Variants in RSBN1L observed in about 807,000 individuals in gnomAD.
The protein encoded by RSBN1L is lysine-specific demethylase RSBN1L.
In RSBN1L, 30 loss-of-function variants were observed where a neutral mutation model predicts 67.7. The ratio of observed to expected loss-of-function variants is 0.44; its 90% CI spans 0.33 to 0.60. The LOEUF is 0.60. Among genes scored for constraint, RSBN1L ranks in the 20% least tolerant of loss-of-function variants. The probability of loss-of-function intolerance (pLI) is 0.02; values close to 1 mark genes in which losing one functional copy is unlikely to be tolerated. For synonymous variants in RSBN1L, 433 were observed against 387.0 expected (o/e 1.12, Z -1.39); for missense variants, 992 against 1,031.7 (o/e 0.96, Z 0.53).
chr7:77,750,361 A>G (rs1206310524), intron 3 of RSBN1L, among the ~76,000 whole-genome samples: 1 of 123,662 alleles, frequency 8.1e-6, no homozygotes, highest in Admixed American at 1.1e-4. Context: ...GAATTTAGCC[A>G]TGTATTTTCC....
At chr7:77,772,550 G>A (rs1331683177) in intron 5 of RSBN1L, among the ~76,000 whole-genome samples, 1 of 152,228 alleles carries the variant, frequency 6.6e-6, no homozygotes, top group Admixed American at 6.5e-5. Flanking sequence ...CCAAGACAGA[G>A]CTAAGGTTTT....
intron 6 of RSBN1L, among the ~76,000 whole-genome samples, chr7:77,776,180 G>A (rs575836390): frequency 1.3e-5 from 2 of 152,266 alleles, no homozygotes; most frequent in African/African-American, 4.8e-5. Context: ...ATTTTTGTCT[G>A]CTTGTTAATT....
intron 1 of RSBN1L, among the ~76,000 whole-genome samples, chr7:77,715,108 C>T (rs1334856682): frequency 6.6e-6 from 1 of 151,606 alleles, no homozygotes; most frequent in Non-Finnish European, 1.5e-5. Context: ...CCTATCTCTA[C>T]TAAAAATACA....
At chr7:77,750,866 A>G (rs1050501654) in intron 3 of RSBN1L, among the ~76,000 whole-genome samples, 3 of 152,224 alleles carry the variant, frequency 2.0e-5, no homozygotes, top group African/African-American at 7.2e-5. Context: ...ATTTATCCCA[A>G]CACCTCTCAA....
intron 1 of RSBN1L, among the ~76,000 whole-genome samples, chr7:77,732,763 A>G (rs17157058): frequency 0.02 from 3,020 of 152,340 alleles, 86 homozygotes; most frequent in African/African-American, 0.068. Context: ...ATAGGTAAAT[A>G]GATATTATTC....
At chr7:77,767,982 C>CT (rs976740950) in intron 4 of RSBN1L, among the ~76,000 whole-genome samples, 1 of 149,596 alleles carries the variant, frequency 6.7e-6, no homozygotes, top group Non-Finnish European at 1.5e-5. Context: ...TCCTGAGTAG[C>CT]TGGGACTACA....
rs762276551 is a variant in RSBN1L, at chr7:77,749,813, T to A, written c.1093T>A (p.Tyr365Asn). 1 of 1,614,188 alleles carries A rather than the reference T, an allele frequency of 6.2e-7. No individual in the cohort carries two copies. The highest frequency in any genetic ancestry group is 1.1e-5 in the South Asian group (1 of 91,090). ...PNGGASVIHA[Y>N]SNELSHLSPM... ...TGGAGGTGCATCGGTTATCCATGCCTACAGTAACGAACTCTCCCACCTGTC... is the reference window on the plus strand; with the variant it reads ...TGGAGGTGCATCGGTTATCCATGCCAACAGTAACGAACTCTCCCACCTGTC... Residue 365 changes from tyrosine to asparagine, a missense_variant, in exon 3 of 8, where the codon TAC becomes AAC. By Grantham distance (143) the Tyr-to-Asn change is moderately radical. Around this residue, in one of 7 missense-constraint regions of RSBN1L, gnomAD observed 575 missense variants for 483.2 expected, o/e 1.19. Transcript: ENST00000334955.
At position 77,696,964 on chromosome 7, in the gene RSBN1L, G is replaced by A. The variant is rs1324331044; in HGVS notation, c.495G>A (p.Glu165=). 6 of 1,574,068 alleles carry A rather than the reference G, an allele frequency of 3.8e-6. No individual in the cohort carries two copies. Among genetic ancestry groups the A allele is most frequent in the Non-Finnish European group, 5.1e-6 (6 of 1,168,014 alleles). The stretch of plus-strand genomic sequence containing the variant: ...CGCGCAGACCTAAGGAGAAGCGGGA[G>A]AAGGAGAGGAGGAGGCACGGTCTCG... ...AKSRRPKEKR[E]KERRRHGLGG... is the part of the protein sequence containing the mutation. Residue 165 remains glutamate, a synonymous_variant, in exon 1 of 8, where the codon GAG becomes GAA. Coordinates refer to ENST00000334955, the MANE Select transcript of RSBN1L (RefSeq NM_198467.3).
intron 4 of RSBN1L, among the ~76,000 whole-genome samples, chr7:77,767,252 AT>A (rs1248174452): frequency 6.6e-6 from 1 of 150,586 alleles, no homozygotes; most frequent in Non-Finnish European, 1.5e-5. Flanking sequence ...TTCTAAAGAA[AT>A]TTGACAAGCC....
At chr7:77,711,001 A>G (rs913573125) in intron 1 of RSBN1L, among the ~76,000 whole-genome samples, 5 of 152,202 alleles carry the variant, frequency 3.3e-5, no homozygotes, top group African/African-American at 1.2e-4. Flanking sequence ...ACTTCTGGAT[A>G]CATATTTGGG....
chr7:77,749,044 A>G (rs1791520719), intron 2 of RSBN1L, among the ~76,000 whole-genome samples: 1 of 152,058 alleles, frequency 6.6e-6, no homozygotes, highest in Non-Finnish European at 1.5e-5. Flanking sequence ...TCACGAGGTC[A>G]GGAGTTTGAG....
At chr7:77,741,267 A>T (rs373893593) in intron 2 of RSBN1L, among the ~76,000 whole-genome samples, 11 of 151,700 alleles carry the variant, frequency 7.3e-5, no homozygotes, top group African/African-American at 2.4e-4. Context: ...GATTACAGGC[A>T]TGAGCCACTG....
intron 6 of RSBN1L, among the ~76,000 whole-genome samples, chr7:77,775,393 G>T (rs375083784): frequency 6.6e-6 from 1 of 151,986 alleles, no homozygotes; most frequent in African/African-American, 2.4e-5. Context: ...AAATTAGCTG[G>T]GCATGCATGC....
intron 5 of RSBN1L, among the ~76,000 whole-genome samples, chr7:77,769,243 C>G (rs1012099245): frequency 2.6e-5 from 4 of 152,078 alleles, no homozygotes; most frequent in Non-Finnish European, 5.9e-5. Context: ...TTTTAAAATT[C>G]ATAAGGAAGT....
chr7:77,769,818 A>G (rs540804211), intron 5 of RSBN1L, among the ~76,000 whole-genome samples: 1 of 152,212 alleles, frequency 6.6e-6, no homozygotes, highest in Non-Finnish European at 1.5e-5. Context: ...CATTAATATT[A>G]TAGGCTGGTA....
chr7:77,770,296 G>A (rs575712610), intron 5 of RSBN1L, among the ~76,000 whole-genome samples: 2 of 152,168 alleles, frequency 1.3e-5, no homozygotes, highest in Admixed American at 6.5e-5. Context: ...AATTGCTTGA[G>A]CCTGGGAGAT....
At position 77,761,629 on chromosome 7, in the gene RSBN1L, CAACTT is replaced by C. The variant is rs573551451; in HGVS notation, c.1345-3863_1345-3859del. ...ATTTTATTCTTACATTTTATTTTAA[CAACTT>C]AAGTACCATCATGTATTTTATCAAG... is the stretch of plus-strand genomic sequence containing the variant. On this transcript the variant is annotated intron_variant, in intron 3 of 7. Coordinates refer to ENST00000334955, the MANE Select transcript of RSBN1L (RefSeq NM_198467.3). Among the ~76,000 whole-genome samples, 5 of 152,198 alleles carry C rather than the reference CAACTT, an allele frequency of 3.3e-5. No homozygotes were observed. The South Asian group carries it at 1.0e-3, about 32-fold the overall frequency.
intron 2 of RSBN1L, among the ~76,000 whole-genome samples, chr7:77,747,911 C>T (rs1219000395): frequency 4.7e-5 from 7 of 148,314 alleles, no homozygotes; most frequent in South Asian, 2.1e-4. Context: ...CTCAGCTTCT[C>T]GGGGGGGAGC....
rs36054297 is a variant in RSBN1L, at chr7:77,750,296, GTTTTTTTTTTT to G, written c.1344+247_1344+257del. Reference sequence around the variant, plus strand: ...ATTAATGAAATAATTAAGATTCTGTGTTTTTTTTTTTTTTTTTTTTTTTTTGCAAGGAGTGG... The same window carrying G: ...ATTAATGAAATAATTAAGATTCTGTGTTTTTTTTTTTTTTGCAAGGAGTGG... On this transcript the variant is annotated intron_variant, in intron 3 of 7. Coordinates refer to ENST00000334955, the MANE Select transcript of RSBN1L (RefSeq NM_198467.3). Among the ~76,000 whole-genome samples the G allele has an allele frequency of 3.5e-4, 20 of 57,462 alleles. No homozygotes were observed. The South Asian group carries it at 4.0e-3, about 11-fold the overall frequency. 37.7% of individuals were successfully genotyped at this position (57,462 alleles called of 152,430 possible). A position where few individuals can be genotyped will look rare whatever the true frequency, so the allele number is the denominator to read the frequency against.
Sources: gnomAD v4.1 joint callset for allele counts (sites outside exome capture counted in the v4.1 genomes callset) on GRCh38, gnomAD v4.1.1 for gene constraint, gnomAD v4.1.1 regional missense constraint, MANE v1.5 for transcripts, NCBI Gene and HGNC (gene_info 2026-07-23, HGNC 2026-07-21) for gene names.